The following FBXO15 variants were observed in gnomAD, a reference collection of about 807,000 sequenced individuals.
FBXO15 encodes F-box only protein 15.
In FBXO15, 30 loss-of-function variants were observed where a neutral mutation model predicts 49.5. The ratio of observed to expected loss-of-function variants is 0.61; its 90% CI spans 0.45 to 0.82. FBXO15 has a LOEUF of 0.82. FBXO15 is among the 40% of genes least tolerant of loss of function. FBXO15 has a pLI of 0.00. For synonymous variants in FBXO15, 250 were observed against 232.7 expected, an observed-to-expected ratio of 1.07 and a Z score of -0.68; for missense variants, 591 against 631.5, an observed-to-expected ratio of 0.94 and a Z score of 0.69.
chr18:74,123,640 A>C, intron 7 of FBXO15, 130 bp from the exon 8 acceptor site: 1 of 978,666 alleles, frequency 1.0e-6, no homozygotes, highest in East Asian at 2.7e-5. Flanking sequence ...ACTCCATAGG[A>C]TTCCCTATAA....
At chr18:74,095,966 G>A (rs1262096702) in intron 8 of FBXO15, among the ~76,000 whole-genome samples, 1 of 152,106 alleles carries the variant, frequency 6.6e-6, no homozygotes, top group Non-Finnish European at 1.5e-5. Context: ...AAGACCCTGA[G>A]CAGATGGTGA....
At chr18:74,091,893 G>A (rs1158668369) in intron 8 of FBXO15, among the ~76,000 whole-genome samples, 1 of 152,164 alleles carries the variant, frequency 6.6e-6, no homozygotes, top group Non-Finnish European at 1.5e-5. Flanking sequence ...TTTCACAAGG[G>A]TTCTCTGCAC....
Position 74,125,983 on chromosome 18 carries a change from C to A in FBXO15, c.904G>T (p.Val302Leu), listed in dbSNP as rs1914691235. The part of the protein sequence containing the change: ...FCLHPGLLVG[V>L]WKKEEELAFV... The stretch of plus-strand genomic sequence containing the variant: ...AGGGACTCAAGTCTTACCTTCCACA[C>A]TCCCACCAGGAGGCCAGGGTGCAGG... Residue 302 changes from valine to leucine, a missense_variant, in exon 6 of 10, where the codon GTG becomes TTG. Transcript: ENST00000419743. The A allele has an allele frequency of 6.2e-7, 1 of 1,613,990 alleles. No homozygotes were observed. Among genetic ancestry groups the A allele is most frequent in the East Asian group, 2.2e-5 (1 of 44,880 alleles).
At chr18:74,142,733 A>G (rs1979163801) in intron 1 of FBXO15, among the ~76,000 whole-genome samples, 1 of 152,134 alleles carries the variant, frequency 6.6e-6, no homozygotes, top group Non-Finnish European at 1.5e-5. Context: ...TTAACTAATT[A>G]TACCTGCAGA....
chr18:74,136,854 G>C (rs772196280), intron 2 of FBXO15, among the ~76,000 whole-genome samples: 11 of 152,174 alleles, frequency 7.2e-5, no homozygotes, highest in Admixed American at 1.3e-4. Flanking sequence ...TCGGTGGGGG[G>C]CAGTTCTAGG....
intron 8 of FBXO15, among the ~76,000 whole-genome samples, chr18:74,086,537 A>G (rs532115138): frequency 6.6e-6 from 1 of 152,236 alleles, no homozygotes; most frequent in South Asian, 2.1e-4. Flanking sequence ...CAGCCCCCCA[A>G]GTAGCTGGGA....
intron 8 of FBXO15, chr18:74,098,388 G>A (rs1447783493): frequency 6.6e-6 from 1 of 152,094 alleles, no homozygotes; most frequent in African/African-American, 2.4e-5. Flanking sequence ...AATGAGGGGG[G>A]AAATCTTCAG....
Position 74,129,536 on chromosome 18 carries a change from G to A in FBXO15, c.654C>T (p.Ser218=), listed in dbSNP as rs2145201652. The change falls in exon 5 of 10, where the codon TCC becomes TCT. Residue 218 remains serine, a synonymous_variant. Transcript: ENST00000419743. ...TAACAGTAACTGATGTGTCATTTAT[G>A]GAAAGATCAACATGCTCCATGATAT... ...KEYIMEHVDL[S]INDTSVTVIW... The A allele has an allele frequency of 6.2e-7, 1 of 1,613,354 alleles. No individual in the cohort carries two copies. Among genetic ancestry groups the A allele is most frequent in the Non-Finnish European group, 8.5e-7 (1 of 1,179,884 alleles).
chr18:74,123,529 G>A lies in FBXO15; in HGVS notation c.996-19C>T, dbSNP rs1914562330. 2 of 1,579,158 alleles carry A rather than the reference G, an allele frequency of 1.3e-6. No homozygotes were observed. The highest frequency in any genetic ancestry group is 1.7e-6 in the Non-Finnish European group (2 of 1,169,780). ...ATAGGGGCTGAAAAGCAAAACAAAAGAAACATACAAATTTGTCAACACCAG... is the reference window on the plus strand; with the variant it reads ...ATAGGGGCTGAAAAGCAAAACAAAAAAAACATACAAATTTGTCAACACCAG... On this transcript the variant is annotated intron_variant, in intron 7 of 9. Coordinates refer to ENST00000419743, the MANE Select transcript of FBXO15 (RefSeq NM_001142958.2).
chr18:74,124,551 A>T lies in FBXO15; in HGVS notation c.933T>A (p.Phe311Leu). Residue 311 changes from phenylalanine to leucine, a missense_variant, in exon 7 of 10, where the codon TTT becomes TTA. Coordinates refer to ENST00000419743, the MANE Select transcript of FBXO15 (RefSeq NM_001142958.2). ...GVWKKEEELA[F>L]VMANLHFHHL... is the part of the protein sequence containing the mutation. ...GATGAAAATGAAGATTTGCCATAAC[A>T]AAAGCCAGTTCTTCCTCCTTCTGAA... 6.2e-7 allele frequency: 1 copy of T among 1,614,106 alleles called. No individual in the cohort carries two copies. The highest frequency in any genetic ancestry group is 8.5e-7 in the Non-Finnish European group (1 of 1,180,018).
intron 3 of FBXO15, among the ~76,000 whole-genome samples, chr18:74,133,370 T>A (rs1003568611): frequency 6.6e-6 from 1 of 152,186 alleles, no homozygotes; most frequent in African/African-American, 2.4e-5. Flanking sequence ...CCTGGTTTCT[T>A]CACCATGCAG....
chr18:74,121,160 A>G (rs1914449542), intron 8 of FBXO15, among the ~76,000 whole-genome samples: 1 of 152,236 alleles, frequency 6.6e-6, no homozygotes, highest in Admixed American at 6.5e-5. Flanking sequence ...CTTTGAAAGA[A>G]AAGGAAACTG....
rs1943916 is a variant in FBXO15 at position 74,113,522 on chromosome 18, T to C, written c.1138+9846A>G. Among the ~76,000 whole-genome samples the C allele has an allele frequency of 3.0e-3, 460 of 152,306 alleles. 2 individuals carry two copies. The highest frequency in any genetic ancestry group is 0.01 in the African/African-American group (432 of 41,566). Reference sequence around the variant, plus strand: ...TTAATAATGGGAGAGGTTATGGTTTTGTGGGGCAGAAGCTATATGGGAAAT... The same window carrying C: ...TTAATAATGGGAGAGGTTATGGTTTCGTGGGGCAGAAGCTATATGGGAAAT... On this transcript the variant is annotated intron_variant, in intron 8 of 9. Transcript: ENST00000419743.
chr18:74,126,350 G>A lies in FBXO15; in HGVS notation c.786-249C>T, dbSNP rs4534946. The stretch of plus-strand genomic sequence containing the variant: ...TTACTGTCAACTCAATGACCCAGCC[G>A]GGAGGAAGTTGAAGGACCAGGAAAG... On this transcript the variant is annotated intron_variant, in intron 5 of 9. Coordinates refer to ENST00000419743, the MANE Select transcript of FBXO15 (RefSeq NM_001142958.2). Among the ~76,000 whole-genome samples, 13,298 of 152,216 alleles carry A rather than the reference G, an allele frequency of 0.087. 819 individuals carry two copies. The highest frequency in any genetic ancestry group is 0.2 in the Admixed American group (3,002 of 15,282).
intron 3 of FBXO15, among the ~76,000 whole-genome samples, chr18:74,134,366 ATTT>A (rs34748425): frequency 5.5e-4 from 65 of 119,256 alleles, no homozygotes; most frequent in African/African-American, 1.7e-3. Flanking sequence ...GACCTGGAGA[ATTT>A]TTTTTTTTTT....
chr18:74,087,360 G>A (rs1912791761), intron 8 of FBXO15, among the ~76,000 whole-genome samples: 1 of 152,194 alleles, frequency 6.6e-6, no homozygotes, highest in South Asian at 2.1e-4. Context: ...TACCCGATAG[G>A]TAGTTTTTGG....
intron 5 of FBXO15, 41 bp downstream of exon 5, chr18:74,129,364 T>C (rs933713172): frequency 6.5e-7 from 1 of 1,539,822 alleles, no homozygotes; most frequent in South Asian, 1.2e-5. Context: ...TATTTACATA[T>C]AAGATGCTCT....
In FBXO15 at chr18:74,091,115, G is replaced by A. The variant is rs184219626; in HGVS notation, c.1139-9064C>T. 1.2e-3 allele frequency among the ~76,000 whole-genome samples: 177 copies of A among 152,222 alleles called. 1 individual carries two copies. The highest frequency in any genetic ancestry group is 3.8e-3 in the African/African-American group (156 of 41,540). ...ACATATTTAGGAGAGTTAGTTCTTC[G>A]TGTTGAATTGAGCCCTTTATCATTA... is the stretch of plus-strand genomic sequence containing the variant. On this transcript the variant is annotated intron_variant, in intron 8 of 9. Coordinates refer to ENST00000419743, the MANE Select transcript of FBXO15 (RefSeq NM_001142958.2).
intron 8 of FBXO15, among the ~76,000 whole-genome samples, chr18:74,110,089 A>C (rs960446805): frequency 1.3e-5 from 2 of 151,258 alleles, no homozygotes; most frequent in East Asian, 3.9e-4. Flanking sequence ...CCTTATTCAT[A>C]ATTGACCTAA....
Sources: gnomAD v4.1 joint callset for allele counts (sites outside exome capture counted in the v4.1 genomes callset) on GRCh38, gnomAD v4.1.1 for gene constraint, MANE v1.5 for transcripts, NCBI Gene and HGNC (gene_info 2026-07-23, HGNC 2026-07-21) for gene names.